SYN3: variants seen among roughly 807,000 people sequenced by gnomAD.
SYN3 encodes synapsin III.
SYN3 carries 35 observed loss-of-function variants against 65.8 expected under a neutral mutation model. That is an observed-to-expected ratio of 0.53 (90% CI 0.41 to 0.70). The LOEUF is 0.70. Ranked by LOEUF, SYN3 falls within the 30% of genes least tolerant of loss-of-function variation. SYN3 has a pLI of 0.00. For synonymous variants in SYN3, 270 were observed against 292.9 expected (o/e 0.92, Z 0.80); for missense variants, 680 against 749.0 (o/e 0.91, Z 1.08).
At position 32,931,345 on chromosome 22, in the gene SYN3, C is replaced by T. The variant is rs763924468; in HGVS notation, c.461+45G>A. 5.3e-6 allele frequency: 7 copies of T among 1,312,534 alleles called. 1 individual carries two copies. Among genetic ancestry groups the T allele is most frequent in the Middle Eastern group, 3.6e-4 (2 of 5,480 alleles). The allele number at this position is 1,312,534 out of a possible 1,614,324, so 81.3% of individuals were successfully genotyped here. A position where few individuals can be genotyped will look rare whatever the true frequency, so the allele number is the denominator to read the frequency against. ...GAGGGGTGGGCTACATGAGGTTCCACGTATGCAATTCTCAGAAGGTTCTGC... is the reference window on the plus strand; with the variant it reads ...GAGGGGTGGGCTACATGAGGTTCCATGTATGCAATTCTCAGAAGGTTCTGC... On this transcript the variant is annotated intron_variant, in intron 4 of 13. Coordinates refer to ENST00000358763, the MANE Select transcript of SYN3 (RefSeq NM_003490.4).
intron 2 of SYN3, among the ~76,000 whole-genome samples, chr22:32,989,418 A>T (rs2052627432): frequency 6.6e-6 from 1 of 152,102 alleles, no homozygotes; most frequent in African/African-American, 2.4e-5. Context: ...CTCCAAGAGG[A>T]GGTAGATGGC....
intron 4 of SYN3, among the ~76,000 whole-genome samples, chr22:32,913,350 G>A (rs2050103956): frequency 6.6e-6 from 1 of 151,920 alleles, no homozygotes; most frequent in Non-Finnish European, 1.5e-5. Flanking sequence ...AGTAGAGATG[G>A]GGTTTCACCA....
At position 32,509,559 on chromosome 22, in the gene SYN3, G is replaced by GTAT. The variant is rs10554196; in HGVS notation, c.*4130_*4132dup. The stretch of plus-strand genomic sequence containing the variant: ...GTTCATACACAGACCAATGGGGAAA[G>GTAT]TATTATTATTATTATTATTATTATT... On this transcript the variant is annotated 3_prime_UTR_variant, in exon 14 of 14. Transcript: ENST00000358763. Among the ~76,000 whole-genome samples, 235 of 149,754 alleles carry GTAT rather than the reference G, an allele frequency of 1.6e-3. 1 individual carries two copies. The highest frequency in any genetic ancestry group is 6.9e-3 in the Middle Eastern group (2 of 288).
chr22:32,633,310 C>T (rs1043784498), intron 6 of SYN3, among the ~76,000 whole-genome samples: 1 of 152,192 alleles, frequency 6.6e-6, no homozygotes, highest in African/African-American at 2.4e-5. Context: ...AAACAGACTC[C>T]GAGGAACAGT....
At chr22:33,015,242 A>AAAAAAT (rs56343315) in intron 1 of SYN3, 36 of 216,188 alleles carry the variant, frequency 1.7e-4, no homozygotes, top group Middle Eastern at 1.7e-3. Flanking sequence ...AAAAAAAAAA[A>AAAAAAT]CTACTGTATC....
Position 32,596,835 on chromosome 22 carries a change from T to C in SYN3, c.712-99A>G, listed in dbSNP as rs5998548. 29,977 of 1,228,646 alleles carry C rather than the reference T, an allele frequency of 0.024. 4,883 individuals are homozygous for C. In the African/African-American group the frequency reaches 0.37, roughly 15 times the overall value. 76.1% of individuals were successfully genotyped at this position (1,228,646 alleles called of 1,614,324 possible). On this transcript the variant is annotated intron_variant, in intron 6 of 13. Coordinates refer to ENST00000358763, the MANE Select transcript of SYN3 (RefSeq NM_003490.4). ...CATAGAAAGATCCATTCATTTCATA[T>C]GGTCGGGAATCCCCACAAGAATGCT... is the stretch of plus-strand genomic sequence containing the variant.
chr22:32,806,934 C>G (rs1304520558), intron 6 of SYN3, among the ~76,000 whole-genome samples: 1 of 151,976 alleles, frequency 6.6e-6, no homozygotes, highest in Non-Finnish European at 1.5e-5. Context: ...TAGTTTTTCC[C>G]TTAGAAACAT....
intron 6 of SYN3, among the ~76,000 whole-genome samples, chr22:32,732,124 A>G (rs530669315): frequency 3.9e-5 from 6 of 152,322 alleles, no homozygotes; most frequent in African/African-American, 1.2e-4. Context: ...AAGCACCTTC[A>G]CTTGCTTAGT....
chr22:32,704,729 T>C (rs899547751), intron 6 of SYN3, among the ~76,000 whole-genome samples: 1 of 152,194 alleles, frequency 6.6e-6, no homozygotes, highest in African/African-American at 2.4e-5. Context: ...TCTGTTACTT[T>C]TTGACTTTTT....
rs552911623 is a variant in SYN3 at position 32,875,149 on chromosome 22, A to G, written c.462-6024T>C. Reference sequence around the variant, plus strand: ...AAAGAAATTAGGTGGCAGCCAACCAAGAATCTGGTGAGGAGCAGACAACAG... The same window carrying G: ...AAAGAAATTAGGTGGCAGCCAACCAGGAATCTGGTGAGGAGCAGACAACAG... On this transcript the variant is annotated intron_variant, in intron 4 of 13. Transcript: ENST00000358763. 5.3e-5 allele frequency among the ~76,000 whole-genome samples: 8 copies of G among 152,326 alleles called. No homozygotes were observed. In the South Asian group the frequency reaches 1.7e-3, roughly 32 times the overall value.
At chr22:32,782,118 G>C (rs571490969) in intron 6 of SYN3, among the ~76,000 whole-genome samples, 157 of 151,836 alleles carry the variant, frequency 1.0e-3, no homozygotes, top group African/African-American at 3.7e-3. Context: ...GCCCAGGCTG[G>C]AGTGCAATGG....
At chr22:32,939,639 C>T (rs183789995) in intron 3 of SYN3, among the ~76,000 whole-genome samples, 1 of 152,204 alleles carries the variant, frequency 6.6e-6, no homozygotes, top group Non-Finnish European at 1.5e-5. Flanking sequence ...TGGTATTTGC[C>T]TTCTTTCATA....
At chr22:32,994,493 C>G (rs2052821161) in intron 2 of SYN3, among the ~76,000 whole-genome samples, 1 of 152,156 alleles carries the variant, frequency 6.6e-6, no homozygotes, top group Admixed American at 6.5e-5. Flanking sequence ...TCCCAGAAAC[C>G]CCTTCATTTC....
chr22:32,522,939 C>T (rs1393817300), intron 12 of SYN3, among the ~76,000 whole-genome samples: 1 of 152,074 alleles, frequency 6.6e-6, no homozygotes, highest in Non-Finnish European at 1.5e-5. Context: ...TTTATACAGG[C>T]ATACCTTGTT....
At chr22:33,025,476 A>T (rs1379581482) in intron 1 of SYN3, among the ~76,000 whole-genome samples, 1 of 150,718 alleles carries the variant, frequency 6.6e-6, no homozygotes, top group African/African-American at 2.4e-5. Flanking sequence ...TCTACTAAAA[A>T]TACAAAAATT....
chr22:32,658,134 T>G (rs1319264093), intron 6 of SYN3, among the ~76,000 whole-genome samples: 5 of 152,158 alleles, frequency 3.3e-5, no homozygotes, highest in Non-Finnish European at 5.9e-5. Context: ...AGGAGACCTC[T>G]CCATTCTTAC....
chr22:32,862,771 C>G (rs907452870), intron 6 of SYN3: 4 of 152,582 alleles, frequency 2.6e-5, no homozygotes, highest in Non-Finnish European at 5.9e-5. Context: ...GTAGAGGCTT[C>G]TTAGATTCTC....
chr22:32,650,003 T>G (rs998210504), intron 6 of SYN3, among the ~76,000 whole-genome samples: 1 of 152,272 alleles, frequency 6.6e-6, no homozygotes, highest in East Asian at 1.9e-4. Context: ...TTTGATTTCA[T>G]AAAATTCAGA....
chr22:32,581,945 G>C (rs531700854), intron 7 of SYN3, among the ~76,000 whole-genome samples: 54 of 150,940 alleles, frequency 3.6e-4, no homozygotes, highest in Admixed American at 1.8e-3. Flanking sequence ...GACTACAGGC[G>C]TGCACCACCA....
Sources: allele counts gnomAD v4.1 joint callset (sites outside exome capture counted in the v4.1 genomes callset), GRCh38; gene constraint gnomAD v4.1.1; transcripts MANE v1.5; gene names NCBI Gene and HGNC (gene_info 2026-07-23, HGNC 2026-07-21).